ADGRV1: variants seen among roughly 807,000 people sequenced by gnomAD.
The protein encoded by ADGRV1 is G-protein coupled receptor 98.
A neutral mutation model predicts 596.2 loss-of-function variants in ADGRV1; 359 were observed. The observed-to-expected ratio is 0.60, with a 90% CI of 0.55 to 0.66. The LOEUF (loss-of-function observed/expected upper bound fraction) is 0.66. Among genes scored for constraint, ADGRV1 ranks in the 30% least tolerant of loss-of-function variants. ADGRV1 has a pLI of 0.00. For synonymous variants in ADGRV1, 2,681 were observed against 2,679.2 expected (o/e 1.00, Z -0.02); for missense variants, 7,274 against 7,575.6 (o/e 0.96, Z 1.48).
rs758830692 is a variant in ADGRV1, at chr5:90,627,599, T to C, written c.1061T>C (p.Ile354Thr). The part of the protein sequence containing the change: ...FQIVDDTIPE[I>T]AESFHIMLLK... ...ATAGTTGATGACACCATACCGGAGA[T>C]TGCTGAATCGTTTCACATTATGTTA... The change falls in exon 7 of 90, where the codon ATT becomes ACT. Residue 354 changes from isoleucine (I) to threonine (T), a missense_variant. Physicochemically the swap from Ile to Thr is moderately conservative, Grantham distance 89. This residue lies in a region of ADGRV1 where 1,715 missense variants were observed against 1,708.8 expected (regional missense o/e 1.00). Coordinates refer to ENST00000405460, the MANE Select transcript of ADGRV1 (RefSeq NM_032119.4). The C allele has an allele frequency of 1.7e-5, 28 of 1,613,902 alleles. 1 individual carries two copies. The South Asian group carries it at 2.9e-4, about 16-fold the overall frequency.
rs375309830 is a variant in ADGRV1 at position 90,558,900 on chromosome 5, C to T, written c.5C>T (p.Ser2Leu). 7.1e-6 allele frequency: 11 copies of T among 1,559,766 alleles called. No homozygotes were observed. Among genetic ancestry groups the T allele is most frequent in the African/African-American group, 1.4e-5 (1 of 73,924 alleles). M[S>L]VFLGPGMPSA... ...GGGACCGCCGGGAGCGCGCGGATGT[C>T]GGTGTTCCTGGGGCCAGGTAGGCTA... Residue 2 changes from serine (S) to leucine (L), a missense_variant, in exon 1 of 90, where the codon TCG becomes TTG. Ser to Leu is a moderately radical substitution (Grantham distance 145, BLOSUM62 -2). Coordinates refer to ENST00000405460, the MANE Select transcript of ADGRV1 (RefSeq NM_032119.4).
rs1303367110 is a variant in ADGRV1 at position 90,779,026 on chromosome 5, C to A, written c.13011C>A (p.Ile4337=). ...GEMRKSLHVE[I]LDDDYPEGPE... is the part of the protein sequence containing the mutation. ...TGAGGAAAAGTCTGCATGTTGAAAT[C>A]CTTGATGATGACTATCCTGAAGGCC... is the stretch of plus-strand genomic sequence containing the variant. Residue 4337 remains isoleucine (I), a synonymous_variant, in exon 64 of 90, where the codon ATC becomes ATA. Transcript: ENST00000405460. 3 of 1,613,254 alleles carry A rather than the reference C, an allele frequency of 1.9e-6. No individual in the cohort carries two copies. Among genetic ancestry groups the A allele is most frequent in the South Asian group, 2.2e-5 (2 of 91,058 alleles).
At chr5:90,669,967 C>T (rs951887598) in intron 21 of ADGRV1, among the ~76,000 whole-genome samples, 6 of 152,196 alleles carry the variant, frequency 3.9e-5, no homozygotes, top group Admixed American at 2.0e-4. Context: ...CCCCTGCTGT[C>T]GCAACTGGTT....
intron 85 of ADGRV1, among the ~76,000 whole-genome samples, chr5:91,056,197 A>G (rs750602043): frequency 1.3e-5 from 2 of 152,192 alleles, no homozygotes; most frequent in Admixed American, 6.5e-5. Flanking sequence ...CTGTTGCCCA[A>G]TGCCAGCTGC....
At chr5:90,558,953 G>T in intron 1 of ADGRV1, 36 bp downstream of exon 1, 1 of 1,543,290 alleles carries the variant, frequency 6.5e-7, no homozygotes, top group Non-Finnish European at 8.8e-7. Flanking sequence ...TGCGAGCATC[G>T]CTGAGCCCCA....
intron 71 of ADGRV1, 172 bp from the exon 72 acceptor site, chr5:90,805,112 T>C (rs1761777208): frequency 2.4e-6 from 1 of 424,930 alleles, no homozygotes; most frequent in Non-Finnish European, 4.0e-6. Flanking sequence ...AATAATAAAG[T>C]AAAATAAATT....
chr5:90,693,791 T>G (rs1580764117), intron 32 of ADGRV1, 99 bp from the exon 33 acceptor site: 2 of 897,912 alleles, frequency 2.2e-6, no homozygotes, highest in East Asian at 5.4e-5. Flanking sequence ...CTTTAAACAT[T>G]TTTTTAAAAA....
chr5:90,614,155 GAAA>G (rs11286344), intron 1 of ADGRV1: 2,461 of 257,244 alleles, frequency 9.6e-3, no homozygotes, highest in South Asian at 0.015. Context: ...ATATCATAGT[GAAA>G]AAAAAAAAAA....
At position 90,728,615 on chromosome 5, in the gene ADGRV1, G is replaced by T. The variant is rs768127033; in HGVS notation, c.10162-54G>T. On this transcript the variant is annotated intron_variant, in intron 48 of 89. Transcript: ENST00000405460. ...AACATATGGTATTGATTACATTCTT[G>T]CAAGTGCTAAATTCCTAGTCATAAA... 7 of 1,450,012 alleles carry T rather than the reference G, an allele frequency of 4.8e-6. No individual in the cohort carries two copies. In the East Asian group the frequency reaches 9.1e-5, roughly 19 times the overall value. 89.8% of individuals were successfully genotyped at this position (1,450,012 alleles called of 1,614,324 possible).
intron 75 of ADGRV1, among the ~76,000 whole-genome samples, chr5:90,820,648 A>T (rs1763396202): frequency 1.3e-5 from 2 of 149,648 alleles, no homozygotes; most frequent in African/African-American, 2.5e-5. Flanking sequence ...TTGTCTGTAA[A>T]GTATTTTATT....
chr5:90,830,517 G>C (rs1030988355), intron 77 of ADGRV1, among the ~76,000 whole-genome samples: 2 of 152,118 alleles, frequency 1.3e-5, no homozygotes, highest in Non-Finnish European at 2.9e-5. Flanking sequence ...GCGAGTTTAT[G>C]TGCTCAGTCA....
At chr5:90,681,705 A>G (rs574201915) in intron 27 of ADGRV1, among the ~76,000 whole-genome samples, 1 of 152,254 alleles carries the variant, frequency 6.6e-6, no homozygotes, top group South Asian at 2.1e-4. Flanking sequence ...GAGCTGTACT[A>G]CAAGTATTTA....
chr5:90,666,662 GC>G (rs1358020363), intron 21 of ADGRV1, among the ~76,000 whole-genome samples: 1 of 146,380 alleles, frequency 6.8e-6, no homozygotes, highest in Non-Finnish European at 1.5e-5. Context: ...TATGATGTTA[GC>G]GGGTTATTTT....
chr5:90,842,912 C>A (rs1373487636), intron 78 of ADGRV1, among the ~76,000 whole-genome samples: 2 of 151,900 alleles, frequency 1.3e-5, no homozygotes, highest in Non-Finnish European at 2.9e-5. Context: ...ATACTGAAAT[C>A]TGTTGATTTA....
intron 83 of ADGRV1, among the ~76,000 whole-genome samples, chr5:90,883,612 T>C (rs923293934): frequency 2.6e-5 from 4 of 152,186 alleles, no homozygotes; most frequent in Non-Finnish European, 4.4e-5. Context: ...TATTTGCATA[T>C]GTGCAGACTA....
intron 75 of ADGRV1, among the ~76,000 whole-genome samples, chr5:90,816,380 ATT>A (rs138496206): frequency 2.7e-5 from 4 of 150,100 alleles, no homozygotes; most frequent in African/African-American, 9.7e-5. Context: ...TTTTTTTTAA[ATT>A]TTATTATTAT....
chr5:90,577,415 T>G (rs912373227), intron 1 of ADGRV1, among the ~76,000 whole-genome samples: 1 of 152,214 alleles, frequency 6.6e-6, no homozygotes, highest in Non-Finnish European at 1.5e-5. Context: ...TTGTCAAAGA[T>G]TAGATGGTTG....
chr5:91,025,354 G>A (rs78697919), intron 85 of ADGRV1, among the ~76,000 whole-genome samples: 1 of 150,854 alleles, frequency 6.6e-6, no homozygotes, highest in African/African-American at 2.4e-5. Context: ...TTTTTTTTAG[G>A]CCATGTCTTA....
intron 87 of ADGRV1, among the ~76,000 whole-genome samples, chr5:91,125,267 C>T (rs920898517): frequency 6.6e-6 from 1 of 152,192 alleles, no homozygotes; most frequent in Non-Finnish European, 1.5e-5. Flanking sequence ...AACTCTGCTG[C>T]TGACATGGCG....
Sources: allele counts gnomAD v4.1 joint callset (sites outside exome capture counted in the v4.1 genomes callset), GRCh38; gene constraint gnomAD v4.1.1; regional missense constraint gnomAD v4.1.1; transcripts MANE v1.5; gene names NCBI Gene and HGNC (gene_info 2026-07-23, HGNC 2026-07-21).